Variants in CNIH3 observed in about 807,000 individuals in gnomAD.
CNIH3 encodes protein cornichon homolog 3.
A neutral mutation model predicts 24.1 loss-of-function variants in CNIH3; 14 were observed. The observed-to-expected ratio is 0.58, with a 90% CI of 0.38 to 0.91. The LOEUF is 0.91. CNIH3 is among the 40% of genes least tolerant of loss of function. The pLI, the probability that CNIH3 is intolerant of heterozygous loss-of-function variation, is 0.00. For missense variants in CNIH3, 178 were observed against 196.8 expected, an observed-to-expected ratio of 0.90 and a Z score of 0.57; for synonymous variants, 68 against 73.8, an observed-to-expected ratio of 0.92 and a Z score of 0.40.
At chr1:224,582,048 A>C (rs956045521) in intron 4 of CNIH3, among the ~76,000 whole-genome samples, 2 of 152,176 alleles carry the variant, frequency 1.3e-5, no homozygotes, top group African/African-American at 2.4e-5. Context: ...TCATGATAAC[A>C]AAAATTGGAC....
At chr1:224,665,777 C>G (rs1331682243) in intron 1 of CNIH3, among the ~76,000 whole-genome samples, 1 of 143,918 alleles carries the variant, frequency 6.9e-6, no homozygotes, top group African/African-American at 2.6e-5. Context: ...CCTCCCTCCC[C>G]CCTCCCTTTT....
At chr1:224,675,671 C>T (rs747899819) in intron 1 of CNIH3, among the ~76,000 whole-genome samples, 6 of 152,152 alleles carry the variant, frequency 3.9e-5, no homozygotes, top group Non-Finnish European at 8.8e-5. Flanking sequence ...ATGATTTGGA[C>T]ACACATTTCA....
chr1:224,675,438 A>G (rs4653591), intron 1 of CNIH3, among the ~76,000 whole-genome samples: 62,555 of 152,108 alleles, frequency 0.41, 15,107 homozygotes, highest in Middle Eastern at 0.56. Flanking sequence ...GAATACCCAA[A>G]TATGATCCAT....
In CNIH3 at chr1:224,740,053, G is replaced by A. The variant is rs190915644; in HGVS notation, c.*697G>A. On this transcript the variant is annotated 3_prime_UTR_variant, in exon 6 of 6. Coordinates refer to ENST00000272133, the MANE Select transcript of CNIH3 (RefSeq NM_152495.2). ...ACCACACAAGTTGTATTCTTCTTTTGCCACCTCAAACCATCACAGAGTCTT... is the reference window on the plus strand; with the variant it reads ...ACCACACAAGTTGTATTCTTCTTTTACCACCTCAAACCATCACAGAGTCTT... 307 of 152,348 alleles carry A rather than the reference G, an allele frequency of 2.0e-3. 1 individual carries two copies. The highest frequency in any genetic ancestry group is 0.014 in the Middle Eastern group (4 of 294). 9.4% of individuals were successfully genotyped at this position (152,348 alleles called of 1,614,324 possible). A position where few individuals can be genotyped will look rare whatever the true frequency, so the allele number is the denominator to read the frequency against.
chr1:224,727,579 T>G (rs954270198), intron 3 of CNIH3, among the ~76,000 whole-genome samples: 12 of 152,166 alleles, frequency 7.9e-5, no homozygotes, highest in African/African-American at 2.9e-4. Flanking sequence ...CCTTACCACC[T>G]TCCAGAAGGC....
chr1:224,464,467 T>C (rs1676073451), intron 1 of CNIH3, among the ~76,000 whole-genome samples: 1 of 152,230 alleles, frequency 6.6e-6, no homozygotes, highest in African/African-American at 2.4e-5. Context: ...TACTTTTCCG[T>C]GCCTGGCTTT....
upstream of CNIH3, among the ~76,000 whole-genome samples, chr1:224,613,640 A>G (rs1266644791): frequency 6.6e-6 from 1 of 152,136 alleles, no homozygotes; most frequent in East Asian, 1.9e-4. Flanking sequence ...TGTCCTCGCA[A>G]TAAAGAGAGT....
chr1:224,631,370 C>T (rs1683812808), intron 1 of CNIH3, among the ~76,000 whole-genome samples: 1 of 152,176 alleles, frequency 6.6e-6, no homozygotes, highest in Non-Finnish European at 1.5e-5. Flanking sequence ...CCAATTTGAA[C>T]TCAGCTCCCA....
upstream of CNIH3, among the ~76,000 whole-genome samples, chr1:224,613,405 A>G (rs1019534390): frequency 2.0e-5 from 3 of 152,194 alleles, no homozygotes; most frequent in Non-Finnish European, 2.9e-5. Context: ...TAGGCATTCA[A>G]CTTCTACAGC....
At chr1:224,708,002 A>G (rs899614638) in intron 3 of CNIH3, among the ~76,000 whole-genome samples, 2 of 151,994 alleles carry the variant, frequency 1.3e-5, no homozygotes, top group Non-Finnish European at 2.9e-5. Flanking sequence ...CTGCCATGCA[A>G]CTATCCTCTG....
intron 1 of CNIH3, among the ~76,000 whole-genome samples, chr1:224,663,892 T>C (rs1685476934): frequency 6.6e-6 from 1 of 152,356 alleles, no homozygotes; most frequent in South Asian, 2.1e-4. Flanking sequence ...GAAACTCTCC[T>C]GGCCCATGGC....
chr1:224,521,852 T>G (rs867363387), intron 2 of CNIH3, among the ~76,000 whole-genome samples: 6 of 152,288 alleles, frequency 3.9e-5, no homozygotes, highest in Non-Finnish European at 5.9e-5. Flanking sequence ...CCACCTTATT[T>G]TTTTCTTTTG....
rs535264273 is a variant in CNIH3, at chr1:224,439,841, T to G, written n.203+4979T>G. On this transcript the variant is annotated intron_variant and non_coding_transcript_variant, in intron 1 of 5. Transcript: ENST00000471578. ...TCTCGCTCTGTCGCCCAGGCTGGAG[T>G]GCAGTGGCGCAATCTCGGCTCACTG... 6.6e-3 allele frequency among the ~76,000 whole-genome samples: 1,006 copies of G among 152,266 alleles called. 8 individuals are homozygous for G. Among genetic ancestry groups the G allele is most frequent in the African/African-American group, 0.023 (945 of 41,548 alleles).
At chr1:224,452,589 G>A (rs559274464) in intron 1 of CNIH3, among the ~76,000 whole-genome samples, 276 of 150,452 alleles carry the variant, frequency 1.8e-3, no homozygotes, top group African/African-American at 4.3e-3. Context: ...AGACCATCCT[G>A]GCTAACACGG....
intron 3 of CNIH3, among the ~76,000 whole-genome samples, chr1:224,702,012 G>A (rs1003934436): frequency 6.6e-6 from 1 of 152,126 alleles, no homozygotes; most frequent in South Asian, 2.1e-4. Flanking sequence ...AGCTGGGTTT[G>A]TATCCTCCCG....
chr1:224,661,619 T>C (rs9662190), intron 1 of CNIH3: 53,462 of 332,844 alleles, frequency 0.16, 4,704 homozygotes, highest in African/African-American at 0.23. Context: ...TGAAATGTGA[T>C]GACAAACTCA....
At chr1:224,560,036 T>C (rs1413263486) in intron 3 of CNIH3, among the ~76,000 whole-genome samples, 1 of 152,242 alleles carries the variant, frequency 6.6e-6, no homozygotes, top group Non-Finnish European at 1.5e-5. Flanking sequence ...GCATTGTATT[T>C]GTGAAATTTA....
intron 1 of CNIH3, among the ~76,000 whole-genome samples, chr1:224,448,783 A>G (rs1675266088): frequency 6.6e-6 from 1 of 152,322 alleles, no homozygotes; most frequent in East Asian, 1.9e-4. Flanking sequence ...TGCTAGGACC[A>G]TAGATAGCCA....
intron 3 of CNIH3, among the ~76,000 whole-genome samples, chr1:224,692,717 A>T (rs1686989055): frequency 6.6e-6 from 1 of 152,234 alleles, no homozygotes; most frequent in Non-Finnish European, 1.5e-5. Flanking sequence ...AGAGAGGTTA[A>T]GTATATATCC....
Sources: gnomAD v4.1 joint callset for allele counts (sites outside exome capture counted in the v4.1 genomes callset) on GRCh38, gnomAD v4.1.1 for gene constraint, MANE v1.5 for transcripts, NCBI Gene and HGNC (gene_info 2026-07-23, HGNC 2026-07-21) for gene names.